Variants in AKAP9 observed in about 807,000 individuals in gnomAD.
The protein encoded by AKAP9 is A-kinase anchor protein 9.
AKAP9 carries 311 observed loss-of-function variants against 488.5 expected under a neutral mutation model. The ratio of observed to expected loss-of-function variants is 0.64; its 90% CI spans 0.58 to 0.70. The LOEUF (loss-of-function observed/expected upper bound fraction) is 0.70. Ranked by LOEUF, AKAP9 falls within the 30% of genes least tolerant of loss-of-function variation. The pLI is 0.00. For synonymous variants in AKAP9, 1,462 were observed against 1,483.5 expected, an observed-to-expected ratio of 0.99 and a Z score of 0.33; for missense variants, 4,215 against 4,374.5, an observed-to-expected ratio of 0.96 and a Z score of 1.03.
At position 92,003,228 on chromosome 7, in the gene AKAP9, C is replaced by A; in HGVS notation, c.3311C>A (p.Ser1104Ter). Residue 1104 changes from serine (S) to a stop codon, truncating the protein, a stop_gained, in exon 8 of 50, where the codon TCA becomes TAA. Transcript: ENST00000356239. LOFTEE classifies it high-confidence loss of function. Reference sequence around the variant, plus strand: ...CAGAAAGAACTCAATGTACTTAAATCAGAACAGGTATGTTTACTTCTTCAT... The same window carrying A: ...CAGAAAGAACTCAATGTACTTAAATAAGAACAGGTATGTTTACTTCTTCAT... ...KLQKELNVLK[S>*]EQNDLRLQME... 1 of 1,589,568 alleles carries A rather than the reference C, an allele frequency of 6.3e-7. No homozygotes were observed. The highest frequency in any genetic ancestry group is 1.1e-5 in the South Asian group (1 of 89,862).
rs10265115 is a variant in AKAP9, at chr7:91,964,853, T to C, written c.49-8858T>C. On this transcript the variant is annotated intron_variant, in intron 1 of 49. Coordinates refer to ENST00000356239, the MANE Select transcript of AKAP9 (RefSeq NM_005751.5). ...AAGAAATGACAGTGATACTGACTTT[T>C]AGTTTGTGCCAAGGATAGAAAGTCT... Among the ~76,000 whole-genome samples the C allele has an allele frequency of 8.9e-4, 136 of 152,268 alleles. 1 individual carries two copies. The highest frequency in any genetic ancestry group is 3.4e-3 in the Middle Eastern group (1 of 294).
chr7:91,961,125 C>T (rs952001012), intron 1 of AKAP9, among the ~76,000 whole-genome samples: 3 of 151,770 alleles, frequency 2.0e-5, no homozygotes, highest in African/African-American at 7.3e-5. Context: ...GAAGAGATTC[C>T]AAATAGTTGA....
At position 92,108,581 on chromosome 7, in the gene AKAP9, T is replaced by G. The variant is rs746644840; in HGVS notation, c.11634T>G (p.Asp3878Glu). The G allele has an allele frequency of 2.5e-6, 4 of 1,614,204 alleles. No homozygotes were observed. The South Asian group carries it at 3.3e-5, about 13-fold the overall frequency. Residue 3878 changes from aspartate to glutamate, a missense_variant, in exon 49 of 50, where the codon GAT (aspartate) becomes GAG (glutamate). Transcript: ENST00000356239. ...ACGATCCTGACAGAGCCCTAACAGA[T>G]TATATCACTCGGCTAGAGGCACTGC... ...QNYDPDRALT[D>E]YITRLEALQR...
intron 18 of AKAP9, chr7:92,041,112 A>C (rs1806037597): frequency 2.0e-6 from 1 of 493,364 alleles, no homozygotes. Flanking sequence ...CACCTATCTC[A>C]ACCTTGGAGT....
At chr7:91,984,004 T>G (rs1330694678) in intron 3 of AKAP9, among the ~76,000 whole-genome samples, 1 of 152,242 alleles carries the variant, frequency 6.6e-6, no homozygotes, top group Non-Finnish European at 1.5e-5. Flanking sequence ...TAAATTTGTT[T>G]AAGTTCTTTA....
chr7:91,992,270 C>A, intron 4 of AKAP9, 59 bp downstream of exon 4: 1 of 1,314,166 alleles, frequency 7.6e-7, no homozygotes, highest in Non-Finnish European at 1.1e-6. Flanking sequence ...AATCATCTGG[C>A]TTACTAACAA....
chr7:92,099,609 C>T lies in AKAP9; in HGVS notation c.10714-78C>T, dbSNP rs3750111. ...ACCAATTCATGAATTCTGTTGTTCT[C>T]GGTGCCTATTCACACTTTATATGCA... On this transcript the variant is annotated intron_variant, in intron 43 of 49. Coordinates refer to ENST00000356239, the MANE Select transcript of AKAP9 (RefSeq NM_005751.5). The T allele has an allele frequency of 0.11, 142,528 of 1,329,138 alleles. 9,345 individuals are homozygous for T. The highest frequency in any genetic ancestry group is 0.35 in the East Asian group (15,278 of 43,472). The allele number at this position is 1,329,138 out of a possible 1,614,324, so 82.3% of individuals were successfully genotyped here.
chr7:91,989,188 G>A (rs1269275441), intron 3 of AKAP9, among the ~76,000 whole-genome samples: 1 of 152,030 alleles, frequency 6.6e-6, no homozygotes, highest in Non-Finnish European at 1.5e-5. Flanking sequence ...TATTTGATTA[G>A]AACTTAATTT....
chr7:92,016,105 A>G (rs2130713461), intron 10 of AKAP9, 24 bp from the exon 11 acceptor site: 1 of 1,582,906 alleles, frequency 6.3e-7, no homozygotes, highest in East Asian at 2.2e-5. Flanking sequence ...AATTCCTTAA[A>G]ATACACAATT....
rs571610665 is a variant in AKAP9, at chr7:91,987,916, A to G, written c.352-4242A>G. Among the ~76,000 whole-genome samples the G allele has an allele frequency of 3.3e-5, 5 of 152,216 alleles. No homozygotes were observed. In the South Asian group the frequency reaches 1.0e-3, roughly 32 times the overall value. Reference sequence around the variant, plus strand: ...GCCGGGCATAGTAGCTCACACCTGTAATCTCTGCACTTTGGGAGGCCAAGG... The same window carrying G: ...GCCGGGCATAGTAGCTCACACCTGTGATCTCTGCACTTTGGGAGGCCAAGG... On this transcript the variant is annotated intron_variant, in intron 3 of 49. Coordinates refer to ENST00000356239, the MANE Select transcript of AKAP9 (RefSeq NM_005751.5).
intron 7 of AKAP9, among the ~76,000 whole-genome samples, chr7:91,998,125 T>A (rs992447145): frequency 1.3e-5 from 2 of 152,122 alleles, no homozygotes; most frequent in African/African-American, 4.8e-5. Flanking sequence ...ACATGCACAG[T>A]TCACAATAAG....
At chr7:91,974,485 A>G (rs995822487) in intron 2 of AKAP9, among the ~76,000 whole-genome samples, 4 of 152,206 alleles carry the variant, frequency 2.6e-5, no homozygotes, top group Admixed American at 2.0e-4. Flanking sequence ...CTTTGCTACT[A>G]TGCCCCCAAG....
At chr7:91,942,188 C>T (rs919627107) in intron 1 of AKAP9, among the ~76,000 whole-genome samples, 2 of 152,010 alleles carry the variant, frequency 1.3e-5, no homozygotes, top group African/African-American at 4.8e-5. Flanking sequence ...ACTGTTTTTC[C>T]TCTCTTCCTT....
At chr7:91,958,877 C>CATTATTATT (rs199851004) in intron 1 of AKAP9, among the ~76,000 whole-genome samples, 2 of 150,746 alleles carry the variant, frequency 1.3e-5, no homozygotes, top group East Asian at 3.9e-4. Flanking sequence ...TTGAAAACAT[C>CATTATTATT]ATTATTATTA....
intron 22 of AKAP9, chr7:92,058,384 T>C (rs139923408): frequency 1.8e-6 from 1 of 553,714 alleles, no homozygotes; most frequent in African/African-American, 1.9e-5. Context: ...AGCTTATTTC[T>C]AAAATTTCAC....
chr7:92,081,411 TCTC>T (rs1254712683), intron 31 of AKAP9, among the ~76,000 whole-genome samples: 2 of 149,928 alleles, frequency 1.3e-5, no homozygotes, highest in African/African-American at 4.9e-5. Context: ...TTCCAGCAAT[TCTC>T]CTGCCTCGGC....
chr7:92,012,347 T>C (rs1800862897), intron 8 of AKAP9, 82 bp from the exon 9 acceptor site: 1 of 1,258,946 alleles, frequency 7.9e-7, no homozygotes, highest in Non-Finnish European at 1.1e-6. Context: ...ACTCTTGTAG[T>C]CAGTATATGC....
At position 91,982,983 on chromosome 7, in the gene AKAP9, G is replaced by T. The variant is rs752824736; in HGVS notation, c.351+2650G>T. On this transcript the variant is annotated intron_variant, in intron 3 of 49. Coordinates refer to ENST00000356239, the MANE Select transcript of AKAP9 (RefSeq NM_005751.5). ...GTGTCTGTTGGCTTCATAAATGTCT[G>T]CTTTTGAGAAGTGTCTGTTCATATC... Among the ~76,000 whole-genome samples, 12 of 152,050 alleles carry T rather than the reference G, an allele frequency of 7.9e-5. No individual in the cohort carries two copies. The East Asian group carries it at 1.2e-3, about 15-fold the overall frequency.
rs748480385 is a variant in AKAP9, at chr7:92,071,025, T to C, written c.6612+16T>C. On this transcript the variant is annotated intron_variant, in intron 28 of 49. Coordinates refer to ENST00000356239, the MANE Select transcript of AKAP9 (RefSeq NM_005751.5). ...GGAAAAAGAGGTAAGGAGTTTATTT[T>C]TAAATGACACAGCGTGGTTTGAATT... is the stretch of plus-strand genomic sequence containing the variant. The C allele has an allele frequency of 1.8e-5, 28 of 1,554,282 alleles. 1 individual carries two copies. Among genetic ancestry groups the C allele is most frequent in the Non-Finnish European group, 2.5e-5 (28 of 1,125,664 alleles).
Sources: allele counts gnomAD v4.1 joint callset (sites outside exome capture counted in the v4.1 genomes callset), GRCh38; gene constraint gnomAD v4.1.1; transcripts MANE v1.5; gene names NCBI Gene and HGNC (gene_info 2026-07-23, HGNC 2026-07-21).